The following SLC24A4 variants were observed in gnomAD, a reference collection of about 807,000 sequenced individuals.
The protein encoded by SLC24A4 is sodium/potassium/calcium exchanger 4.
In SLC24A4, 53 loss-of-function variants were observed where a neutral mutation model predicts 79.0. The observed-to-expected ratio is 0.67, with a 90% CI of 0.54 to 0.84. SLC24A4 has a LOEUF of 0.84. Among genes scored for constraint, SLC24A4 ranks in the 40% least tolerant of loss-of-function variants. SLC24A4 has a pLI of 0.00. For synonymous variants in SLC24A4, 323 were observed against 323.8 expected, an observed-to-expected ratio of 1.00 and a Z score of 0.03; for missense variants, 731 against 822.0, an observed-to-expected ratio of 0.89 and a Z score of 1.35.
At chr14:92,323,164 C>T (rs1383277236), upstream of SLC24A4, 2 of 152,078 alleles carry the variant, frequency 1.3e-5, no homozygotes, top group South Asian at 2.1e-4. The surrounding 1 kb of genome is among the most constrained non-coding windows in gnomAD (Gnocchi z 4.9). Context: ...CACGGCCTCT[C>T]AGACGCTGGC....
chr14:92,469,372 G>T (rs1349817854), intron 12 of SLC24A4, among the ~76,000 whole-genome samples: 2 of 152,108 alleles, frequency 1.3e-5, no homozygotes, highest in African/African-American at 4.8e-5. Flanking sequence ...AGCCAGGTGT[G>T]GTGGTGGGCA....
chr14:92,401,774 C>A (rs781481800), intron 2 of SLC24A4, among the ~76,000 whole-genome samples: 10 of 152,144 alleles, frequency 6.6e-5, no homozygotes, highest in Non-Finnish European at 1.3e-4. Context: ...GTCTGCCCAG[C>A]CAGGCTGTAG....
intron 2 of SLC24A4, among the ~76,000 whole-genome samples, chr14:92,425,991 A>C (rs1346079048): frequency 6.6e-6 from 1 of 152,060 alleles, no homozygotes; most frequent in African/African-American, 2.4e-5. Context: ...TCAATCAATC[A>C]ATCAATCAGT....
chr14:92,325,563 C>G (rs576772878), intron 1 of SLC24A4, among the ~76,000 whole-genome samples: 1 of 152,200 alleles, frequency 6.6e-6, no homozygotes, highest in Non-Finnish European at 1.5e-5. Context: ...TGGAAGAACA[C>G]TTAAAAGGTC....
intron 6 of SLC24A4, 79 bp from the exon 7 acceptor site, chr14:92,443,321 G>T: frequency 5.2e-6 from 7 of 1,356,394 alleles, no homozygotes; most frequent in African/African-American, 2.8e-5. Flanking sequence ...CCTGCACTGC[G>T]GGGGGAGGAG....
intron 12 of SLC24A4, among the ~76,000 whole-genome samples, chr14:92,472,611 C>CAT (rs1290852997): frequency 1.3e-5 from 2 of 152,160 alleles, no homozygotes; most frequent in African/African-American, 4.8e-5. Flanking sequence ...AGTATTCCAT[C>CAT]ATATATATGT....
chr14:92,459,020 G>A (rs1893644391), intron 12 of SLC24A4, among the ~76,000 whole-genome samples: 1 of 152,170 alleles, frequency 6.6e-6, no homozygotes, highest in Admixed American at 6.5e-5. Flanking sequence ...TCCCCATTTT[G>A]CAGATGTGGG....
chr14:92,474,157 T>TG (rs992885982), intron 12 of SLC24A4, among the ~76,000 whole-genome samples: 4 of 152,218 alleles, frequency 2.6e-5, no homozygotes, highest in African/African-American at 9.6e-5. Flanking sequence ...GCATAATATG[T>TG]GGGGCTTCTT....
chr14:92,387,377 A>T (rs950914820), intron 2 of SLC24A4, among the ~76,000 whole-genome samples: 3 of 151,866 alleles, frequency 2.0e-5, no homozygotes, highest in Admixed American at 6.6e-5. Flanking sequence ...GGGTTTTGCC[A>T]TGTTGACTAG....
chr14:92,492,722 G>A (rs1895753870), intron 16 of SLC24A4: 2 of 396,060 alleles, frequency 5.0e-6, no homozygotes, highest in South Asian at 1.8e-5. Flanking sequence ...AGAAATCGGG[G>A]CTCAGGGGTT....
At chr14:92,339,475 C>T (rs1886002300) in intron 2 of SLC24A4, among the ~76,000 whole-genome samples, 2 of 152,086 alleles carry the variant, frequency 1.3e-5, no homozygotes, top group African/African-American at 2.4e-5. Context: ...TTATCATCCC[C>T]ATTATACGAA....
At chr14:92,421,997 C>T (rs10142146) in intron 2 of SLC24A4, among the ~76,000 whole-genome samples, 61,547 of 152,074 alleles carry the variant, frequency 0.4, 12,795 homozygotes, top group Non-Finnish European at 0.44. Context: ...TGCTGATTTG[C>T]GTGTAGCTGC....
In SLC24A4 at chr14:92,500,298, G is replaced by A. The variant is rs1204390405; in HGVS notation, c.*6670G>A. 1 of 152,176 alleles carries A rather than the reference G, an allele frequency of 6.6e-6. No homozygotes were observed. Among genetic ancestry groups the A allele is most frequent in the Non-Finnish European group, 1.5e-5 (1 of 68,036 alleles). 9.4% of individuals were successfully genotyped at this position (152,176 alleles called of 1,614,324 possible). ...GGGAATGTGCAGCTTTTGGTTTCTA[G>A]ATGCATGGTTTGGTGTGATCTACCT... On this transcript the variant is annotated 3_prime_UTR_variant, in exon 17 of 17. Coordinates refer to ENST00000532405, the MANE Select transcript of SLC24A4 (RefSeq NM_153646.4).
chr14:92,448,748 G>A (rs1892958777), intron 9 of SLC24A4, among the ~76,000 whole-genome samples: 1 of 152,190 alleles, frequency 6.6e-6, no homozygotes, highest in African/African-American at 2.4e-5. Context: ...CTGCGAGCCT[G>A]CCCAGAGGCG....
At chr14:92,334,988 A>G (rs1885700035) in intron 2 of SLC24A4, among the ~76,000 whole-genome samples, 1 of 152,168 alleles carries the variant, frequency 6.6e-6, no homozygotes, top group Non-Finnish European at 1.5e-5. Context: ...TTCAGGGGTT[A>G]CTTGCTTCTC....
chr14:92,360,217 T>C (rs1342454994), intron 2 of SLC24A4, among the ~76,000 whole-genome samples: 1 of 152,224 alleles, frequency 6.6e-6, no homozygotes, highest in Non-Finnish European at 1.5e-5. Flanking sequence ...CCACTGCGCC[T>C]AGCCTGTGTT....
At chr14:92,461,136 G>A (rs547600609) in intron 12 of SLC24A4, among the ~76,000 whole-genome samples, 1 of 152,326 alleles carries the variant, frequency 6.6e-6, no homozygotes, top group East Asian at 1.9e-4. Flanking sequence ...TGCTTGTTGT[G>A]GCGCATAGTC....
At chr14:92,324,089 C>T in intron 1 of SLC24A4, 129 bp downstream of exon 1, 1 of 1,276,528 alleles carries the variant, frequency 7.8e-7, no homozygotes, top group Non-Finnish European at 1.0e-6. Context: ...CCAGTCCCCT[C>T]CCCGCCGGGC....
chr14:92,468,578 A>G (rs561861968), intron 12 of SLC24A4, among the ~76,000 whole-genome samples: 3 of 152,334 alleles, frequency 2.0e-5, no homozygotes, highest in African/African-American at 7.2e-5. Flanking sequence ...AATGAAATAC[A>G]ATTGGAAGTC....
Sources: allele counts gnomAD v4.1 joint callset (sites outside exome capture counted in the v4.1 genomes callset), GRCh38; gene constraint gnomAD v4.1.1; non-coding constraint Gnocchi (gnomAD v3.1); transcripts MANE v1.5; gene names NCBI Gene and HGNC (gene_info 2026-07-23, HGNC 2026-07-21).